Variants in COG5 observed in about 807,000 individuals in gnomAD.
COG5 encodes the protein conserved oligomeric Golgi complex subunit 5.
In COG5, 86 loss-of-function variants were observed where a neutral mutation model predicts 110.4. That is an observed-to-expected ratio of 0.78 (90% CI 0.65 to 0.93). The LOEUF is 0.93. Ranked by LOEUF, COG5 falls within the 40% of genes least tolerant of loss-of-function variation. The pLI is 0.00. For missense variants in COG5, 1,077 were observed against 987.0 expected (o/e 1.09, Z -1.22); for synonymous variants, 360 against 334.6 (o/e 1.08, Z -0.83).
chr7:107,438,600 G>C (rs940617602), intron 6 of COG5, among the ~76,000 whole-genome samples: 1 of 152,294 alleles, frequency 6.6e-6, no homozygotes, highest in Admixed American at 6.5e-5. Context: ...TAGGAGGACT[G>C]AGAAGTTATA....
chr7:107,287,258 G>C (rs1438178963), intron 12 of COG5, among the ~76,000 whole-genome samples: 1 of 152,192 alleles, frequency 6.6e-6, no homozygotes, highest in African/African-American at 2.4e-5. Flanking sequence ...TTTGGATTGG[G>C]CTTGTGAGAT....
intron 21 of COG5, among the ~76,000 whole-genome samples, chr7:107,206,527 C>T (rs1302612409): frequency 2.6e-5 from 4 of 152,204 alleles, no homozygotes; most frequent in Admixed American, 6.5e-5. Context: ...GTAGTCCCTA[C>T]AGAATCATAT....
intron 6 of COG5, among the ~76,000 whole-genome samples, chr7:107,473,671 T>G (rs573128384): frequency 6.6e-6 from 1 of 151,956 alleles, no homozygotes; most frequent in African/African-American, 2.4e-5. Context: ...AACATTTAAA[T>G]GAAATTTTAA....
At chr7:107,554,891 C>T (rs1454118781) in intron 2 of COG5, among the ~76,000 whole-genome samples, 1 of 152,168 alleles carries the variant, frequency 6.6e-6, no homozygotes, top group Non-Finnish European at 1.5e-5. Context: ...GTTAGGGGAA[C>T]ACAAACACTC....
chr7:107,482,680 A>G (rs1388418139), intron 6 of COG5, among the ~76,000 whole-genome samples: 1 of 152,114 alleles, frequency 6.6e-6, no homozygotes, highest in African/African-American at 2.4e-5. Flanking sequence ...ATCCAGTACT[A>G]CATTAGATTT....
At chr7:107,554,263 C>T (rs1431912631) in intron 3 of COG5, 22 bp downstream of exon 3, 2 of 1,607,854 alleles carry the variant, frequency 1.2e-6, no homozygotes, top group Non-Finnish European at 1.7e-6. Flanking sequence ...TACATAATCT[C>T]TAGCAGTTAT....
At chr7:107,354,722 T>G (rs1048559391) in intron 10 of COG5, among the ~76,000 whole-genome samples, 1 of 152,184 alleles carries the variant, frequency 6.6e-6, no homozygotes, top group African/African-American at 2.4e-5. Flanking sequence ...ATAATTATGA[T>G]AGCAAATTGT....
At position 107,202,812 on chromosome 7, in the gene COG5, CAAAGGTCTGCTTTTAAT is replaced by C. The variant is rs1798443813; in HGVS notation, c.*687_*703del. 1 of 152,044 alleles carries C rather than the reference CAAAGGTCTGCTTTTAAT, an allele frequency of 6.6e-6. No individual in the cohort carries two copies. The highest frequency in any genetic ancestry group is 2.1e-4 in the South Asian group (1 of 4,812). 9.4% of individuals were successfully genotyped at this position (152,044 alleles called of 1,614,324 possible). On this transcript the variant is annotated 3_prime_UTR_variant, in exon 22 of 22. Coordinates refer to ENST00000297135, the MANE Select transcript of COG5 (RefSeq NM_006348.5). Reference sequence around the variant, plus strand: ...ATTTTTGTTACACGGTTAAACAGCCCAAAGGTCTGCTTTTAATAACATGACAAAGTGTAACAAAAGCC... The same window carrying C: ...ATTTTTGTTACACGGTTAAACAGCCCAACATGACAAAGTGTAACAAAAGCC...
intron 6 of COG5, among the ~76,000 whole-genome samples, chr7:107,491,985 A>G (rs1262537618): frequency 2.0e-5 from 3 of 152,164 alleles, no homozygotes; most frequent in Non-Finnish European, 4.4e-5. Flanking sequence ...ATGGACACAT[A>G]TAAAAGATAT....
intron 7 of COG5, among the ~76,000 whole-genome samples, chr7:107,407,404 A>G (rs1236338542): frequency 6.6e-6 from 1 of 152,168 alleles, no homozygotes; most frequent in East Asian, 1.9e-4. Flanking sequence ...AAGAAAAATA[A>G]ACATTAAGAC....
Position 107,203,607 on chromosome 7 carries a change from T to A in COG5, c.2399A>T (p.Gln800Leu), listed in dbSNP as rs762082725. ...LIRGALEAYV[Q>L]SVRSREGKEF... ...TTTGCCTTCTCTACTTCTCACTGAT[T>A]GAACATAAGCTTCCAGGGCTCCCCT... The change falls in exon 22 of 22, where the codon CAA becomes CTA. Residue 800 changes from glutamine (Q) to leucine (L), a missense_variant. Transcript: ENST00000297135. 9 of 1,613,818 alleles carry A rather than the reference T, an allele frequency of 5.6e-6. No homozygotes were observed. Among genetic ancestry groups the A allele is most frequent in the East Asian group, 2.2e-5 (1 of 44,874 alleles).
chr7:107,473,712 A>G (rs1374408355), intron 6 of COG5, among the ~76,000 whole-genome samples: 3 of 152,012 alleles, frequency 2.0e-5, no homozygotes, highest in Non-Finnish European at 4.4e-5. Context: ...TTTGTATGCT[A>G]GGAAGTTTTA....
intron 7 of COG5, among the ~76,000 whole-genome samples, chr7:107,409,944 A>G (rs1563016890): frequency 6.6e-6 from 1 of 152,228 alleles, no homozygotes; most frequent in Admixed American, 6.5e-5. Flanking sequence ...CGTAATAAAA[A>G]AGTAATTGAA....
chr7:107,528,287 C>T (rs528065388), intron 5 of COG5, among the ~76,000 whole-genome samples: 1 of 152,096 alleles, frequency 6.6e-6, no homozygotes, highest in Admixed American at 6.6e-5. Flanking sequence ...TGAGGTTTTG[C>T]CATGTTGCCC....
chr7:107,344,387 A>C (rs1366298600), intron 10 of COG5, among the ~76,000 whole-genome samples: 1 of 152,130 alleles, frequency 6.6e-6, no homozygotes, highest in Non-Finnish European at 1.5e-5. Context: ...TTCGTCACCT[A>C]CCTCAGCCTT....
intron 3 of COG5, among the ~76,000 whole-genome samples, chr7:107,552,162 C>A (rs1802945081): frequency 6.6e-6 from 1 of 152,090 alleles, no homozygotes; most frequent in African/African-American, 2.4e-5. Flanking sequence ...TTCATCTAGA[C>A]CTATACACAC....
chr7:107,508,922 G>C (rs1205368033), intron 6 of COG5, among the ~76,000 whole-genome samples: 1 of 152,036 alleles, frequency 6.6e-6, no homozygotes, highest in East Asian at 1.9e-4. Flanking sequence ...AAGACCAAAA[G>C]TAGATAAAGC....
intron 18 of COG5, among the ~76,000 whole-genome samples, chr7:107,231,079 G>T (rs1800744613): frequency 6.6e-6 from 1 of 152,020 alleles, no homozygotes; most frequent in Non-Finnish European, 1.5e-5. Context: ...AGTCAGTGTG[G>T]CTCAAGTAAT....
intron 7 of COG5, among the ~76,000 whole-genome samples, chr7:107,405,850 A>AG (rs1190437835): frequency 2.0e-5 from 3 of 152,116 alleles, no homozygotes; most frequent in Admixed American, 2.0e-4. Flanking sequence ...AAGAAGCTTG[A>AG]GGGTGCCTTT....
Sources: gnomAD v4.1 joint callset for allele counts (sites outside exome capture counted in the v4.1 genomes callset) on GRCh38, gnomAD v4.1.1 for gene constraint, MANE v1.5 for transcripts, NCBI Gene and HGNC (gene_info 2026-07-23, HGNC 2026-07-21) for gene names.